SND1: variants seen among roughly 807,000 people sequenced by gnomAD.
The protein encoded by SND1 is staphylococcal nuclease and tudor domain containing 1.
In SND1, 38 loss-of-function variants were observed where a neutral mutation model predicts 121.7. The ratio of observed to expected loss-of-function variants is 0.31; its 90% confidence interval spans 0.24 to 0.41. The LOEUF is 0.41. Among genes scored for constraint, SND1 ranks in the 10% least tolerant of loss-of-function variants. The probability of loss-of-function intolerance (pLI) is 1.00; values close to 1 mark genes in which losing one functional copy is unlikely to be tolerated. For synonymous variants in SND1, 401 were observed against 447.4 expected, an observed-to-expected ratio of 0.90 and a Z score of 1.31; for missense variants, 868 against 1,184.6, an observed-to-expected ratio of 0.73 and a Z score of 3.92.
At chr7:128,059,953 C>T (rs927046474) in intron 16 of SND1, among the ~76,000 whole-genome samples, 2 of 152,304 alleles carry the variant, frequency 1.3e-5, no homozygotes, top group East Asian at 3.9e-4. Context: ...GTTCAGAGGG[C>T]TTAACATGTA....
intron 15 of SND1, among the ~76,000 whole-genome samples, chr7:127,933,076 C>A (rs1202747117): frequency 1.3e-5 from 2 of 152,166 alleles, no homozygotes; most frequent in African/African-American, 4.8e-5. Context: ...CAGTATTATT[C>A]TTCCTGGGAA....
chr7:127,741,835 T>C (rs1262905433), intron 10 of SND1, among the ~76,000 whole-genome samples: 5 of 152,202 alleles, frequency 3.3e-5, no homozygotes, highest in African/African-American at 1.2e-4. Context: ...AAAAGTCTTA[T>C]TGTTAATCCC....
At chr7:127,732,600 G>A (rs568104329) in intron 10 of SND1, among the ~76,000 whole-genome samples, 3 of 152,172 alleles carry the variant, frequency 2.0e-5, no homozygotes, top group Non-Finnish European at 4.4e-5. Context: ...TCTTTAACCT[G>A]AGTCACTTTT....
At chr7:128,088,298 AAAAAT>A (rs1348693370) in intron 21 of SND1, among the ~76,000 whole-genome samples, 4 of 151,278 alleles carry the variant, frequency 2.6e-5, no homozygotes, top group African/African-American at 9.7e-5. Context: ...AAAAAAAAAA[AAAAAT>A]AGCTGGGTGT....
chr7:128,038,578 T>C (rs1295787211), intron 16 of SND1, among the ~76,000 whole-genome samples: 4 of 152,234 alleles, frequency 2.6e-5, no homozygotes, highest in African/African-American at 9.6e-5. Context: ...GAGGGGATTC[T>C]TTTCTTCTGG....
intron 11 of SND1, among the ~76,000 whole-genome samples, chr7:127,843,391 C>G (rs1798999504): frequency 1.3e-5 from 2 of 152,138 alleles, no homozygotes. Flanking sequence ...GCCTATAACT[C>G]CTGGCAAAAT....
intron 11 of SND1, among the ~76,000 whole-genome samples, chr7:127,814,304 A>C (rs1798388892): frequency 6.6e-6 from 1 of 152,092 alleles, no homozygotes; most frequent in Non-Finnish European, 1.5e-5. Context: ...GGGTAGGGAG[A>C]GGACAGGCTT....
intron 1 of SND1, among the ~76,000 whole-genome samples, chr7:127,663,446 A>G (rs1430473532): frequency 2.7e-5 from 4 of 150,478 alleles, no homozygotes; most frequent in Admixed American, 6.6e-5. Flanking sequence ...ATCTCGGCTC[A>G]GTGAAACCTC....
intron 12 of SND1, among the ~76,000 whole-genome samples, chr7:127,860,260 G>A (rs1799351380): frequency 1.3e-5 from 2 of 152,144 alleles, no homozygotes; most frequent in South Asian, 2.1e-4. Flanking sequence ...TTTCAGTGGT[G>A]GGAATGTTTA....
chr7:128,019,163 G>C (rs544230671), intron 16 of SND1, among the ~76,000 whole-genome samples: 1 of 152,056 alleles, frequency 6.6e-6, no homozygotes, highest in Non-Finnish European at 1.5e-5. Context: ...TTCTCCTGTG[G>C]TCACCCCCTG....
intron 1 of SND1, among the ~76,000 whole-genome samples, chr7:127,677,771 G>GT (rs1466034394): frequency 2.0e-5 from 3 of 152,210 alleles, no homozygotes; most frequent in African/African-American, 7.2e-5. Context: ...TTCTTTTGAT[G>GT]TTTTTCCAAC....
At chr7:127,886,534 G>C (rs1224305696) in intron 12 of SND1, among the ~76,000 whole-genome samples, 2 of 152,122 alleles carry the variant, frequency 1.3e-5, no homozygotes, top group African/African-American at 4.8e-5. Flanking sequence ...CAGCAAACCA[G>C]ATGGTTTGAG....
intron 12 of SND1, among the ~76,000 whole-genome samples, chr7:127,849,595 A>G (rs1799128845): frequency 6.6e-6 from 1 of 152,182 alleles, no homozygotes; most frequent in South Asian, 2.1e-4. Flanking sequence ...ATTGTTTCCC[A>G]TTATGTGAAG....
At chr7:127,983,886 G>T (rs1802323833) in intron 15 of SND1, among the ~76,000 whole-genome samples, 1 of 152,078 alleles carries the variant, frequency 6.6e-6, no homozygotes, top group Non-Finnish European at 1.5e-5. Context: ...CCCACACTAA[G>T]TTTTTCCGAT....
intron 13 of SND1, among the ~76,000 whole-genome samples, chr7:127,900,887 C>T (rs1800217579): frequency 6.6e-6 from 1 of 152,172 alleles, no homozygotes; most frequent in African/African-American, 2.4e-5. Context: ...CTATGTTCTG[C>T]CCCACTGTTT....
intron 15 of SND1, among the ~76,000 whole-genome samples, chr7:127,955,012 C>T (rs529231495): frequency 6.6e-6 from 1 of 152,278 alleles, no homozygotes; most frequent in African/African-American, 2.4e-5. Flanking sequence ...TAAAGAATCT[C>T]CTCCCTGCCC....
At chr7:127,794,787 G>T (rs1432463858) in intron 10 of SND1, among the ~76,000 whole-genome samples, 1 of 152,200 alleles carries the variant, frequency 6.6e-6, no homozygotes, top group Non-Finnish European at 1.5e-5. Context: ...TTTAGCCGGG[G>T]TATGAACAGT....
intron 14 of SND1, among the ~76,000 whole-genome samples, chr7:127,920,495 G>A (rs940171190): frequency 6.6e-6 from 1 of 152,148 alleles, no homozygotes; most frequent in Non-Finnish European, 1.5e-5. Flanking sequence ...TGAGTATTGA[G>A]TTAACAAAAA....
rs143656566 is a variant in SND1, at chr7:127,805,795, A to G, written c.1153-1689A>G. Among the ~76,000 whole-genome samples the G allele has an allele frequency of 5.8e-4, 88 of 152,326 alleles. 1 individual carries two copies. The highest frequency in any genetic ancestry group is 1.9e-3 in the African/African-American group (77 of 41,570). The stretch of plus-strand genomic sequence containing the variant: ...AGGTGTCTTGTTTTGTCAGGTGCAT[A>G]ATAGGTGGCAAAGGTTCGGCCAGAT... On this transcript the variant is annotated intron_variant, in intron 10 of 23. Coordinates refer to ENST00000354725, the MANE Select transcript of SND1 (RefSeq NM_014390.4).
Sources: allele counts gnomAD v4.1 joint callset (sites outside exome capture counted in the v4.1 genomes callset), GRCh38; gene constraint gnomAD v4.1.1; transcripts MANE v1.5; gene names NCBI Gene and HGNC (gene_info 2026-07-23, HGNC 2026-07-21).